The following NEDD9 variants were observed in gnomAD, a reference collection of about 807,000 sequenced individuals.
The protein encoded by NEDD9 is enhancer of filamentation 1.
Under a neutral mutation model 76.6 loss-of-function variants are expected in NEDD9, and 26 were observed. That is an observed-to-expected ratio of 0.34 (90% confidence interval 0.25 to 0.47). The LOEUF (loss-of-function observed/expected upper bound fraction) is 0.47. NEDD9 is among the 20% of genes least tolerant of loss of function. The pLI is 1.00. For synonymous variants in NEDD9, 392 were observed against 414.2 expected (o/e 0.95, Z 0.65); for missense variants, 937 against 1,058.5 (o/e 0.89, Z 1.59).
chr6:11,298,105 A>C (rs1048279861), intron 3 of NEDD9, among the ~76,000 whole-genome samples: 1 of 151,310 alleles, frequency 6.6e-6, no homozygotes, highest in Non-Finnish European at 1.5e-5. Context: ...ATGGGGTTTC[A>C]CTCTGTTGGT....
intron 1 of NEDD9, among the ~76,000 whole-genome samples, chr6:11,228,883 A>G (rs1759387127): frequency 6.6e-6 from 1 of 152,268 alleles, no homozygotes; most frequent in African/African-American, 2.4e-5. Flanking sequence ...ACAAGGTTTA[A>G]AAAGGAAAAG....
At chr6:11,229,373 G>A (rs1759401026) in intron 1 of NEDD9, among the ~76,000 whole-genome samples, 1 of 152,328 alleles carries the variant, frequency 6.6e-6, no homozygotes, top group South Asian at 2.1e-4. Context: ...CTGAGCCCCC[G>A]CCCGGGCTGG....
At chr6:11,277,635 T>C (rs1001664928) in intron 3 of NEDD9, among the ~76,000 whole-genome samples, 1 of 152,178 alleles carries the variant, frequency 6.6e-6, no homozygotes, top group Admixed American at 6.5e-5. Context: ...TCAAGGAGGC[T>C]AGGACATCTT....
intron 2 of NEDD9, among the ~76,000 whole-genome samples, chr6:11,202,219 G>C (rs1349423014): frequency 6.6e-6 from 1 of 152,124 alleles, no homozygotes; most frequent in Non-Finnish European, 1.5e-5. Flanking sequence ...ACTGCTTCCT[G>C]TCTATCTCTA....
At chr6:11,207,595 A>G (rs559927933) in intron 2 of NEDD9, 1 of 152,208 alleles carries the variant, frequency 6.6e-6, no homozygotes, top group African/African-American at 2.4e-5. Context: ...ATATTACTTC[A>G]GTTTTCCAAG....
intron 2 of NEDD9, chr6:11,200,551 AT>A (rs758586346): frequency 9.2e-7 from 1 of 1,090,858 alleles, no homozygotes; most frequent in Non-Finnish European, 1.1e-6. Flanking sequence ...TGTCTTAGTA[AT>A]CACAGATCTC....
chr6:11,381,268 A>G (rs995953432), intron 1 of NEDD9, among the ~76,000 whole-genome samples: 4 of 152,328 alleles, frequency 2.6e-5, no homozygotes, highest in Admixed American at 2.0e-4. Flanking sequence ...CAGGGGAAGG[A>G]GGGACTCCCC....
At chr6:11,350,884 G>A (rs1411259858) in intron 1 of NEDD9, among the ~76,000 whole-genome samples, 2 of 152,178 alleles carry the variant, frequency 1.3e-5, no homozygotes, top group Non-Finnish European at 2.9e-5. Flanking sequence ...TGGTCAGAAA[G>A]GCGTCTTGAC....
At chr6:11,191,721 C>T (rs1173177474) in intron 4 of NEDD9, among the ~76,000 whole-genome samples, 1 of 152,152 alleles carries the variant, frequency 6.6e-6, no homozygotes. Context: ...ACTGTCAAAC[C>T]CTCTACAGGC....
At chr6:11,306,190 A>G in intron 2 of NEDD9, 2 of 695,268 alleles carry the variant, frequency 2.9e-6, no homozygotes, top group Non-Finnish European at 4.9e-6. Flanking sequence ...AAGGTTGGTA[A>G]GATCTGAAAA....
chr6:11,204,481 G>C (rs991923961), intron 2 of NEDD9, among the ~76,000 whole-genome samples: 4 of 152,232 alleles, frequency 2.6e-5, no homozygotes, highest in African/African-American at 7.2e-5. Flanking sequence ...CAGCACTTTG[G>C]GAGGCCGAGG....
intron 1 of NEDD9, among the ~76,000 whole-genome samples, chr6:11,354,727 G>A (rs1439501573): frequency 1.3e-5 from 2 of 152,184 alleles, no homozygotes; most frequent in African/African-American, 4.8e-5. Context: ...CCAGGGGTGG[G>A]TGCATGGCCA....
chr6:11,258,193 T>G (rs562699361), intron 3 of NEDD9, among the ~76,000 whole-genome samples: 2 of 152,348 alleles, frequency 1.3e-5, no homozygotes, highest in Admixed American at 1.3e-4. Context: ...TTTCCCATTG[T>G]AACTGCATTT....
chr6:11,356,727 A>ACC (rs61435147), intron 1 of NEDD9, among the ~76,000 whole-genome samples: 20 of 112,502 alleles, frequency 1.8e-4, no homozygotes, highest in East Asian at 2.7e-4. Flanking sequence ...ATCATAACCC[A>ACC]CCCCCCCCAC....
At chr6:11,189,458 T>A (rs1436411964) in intron 5 of NEDD9, among the ~76,000 whole-genome samples, 1 of 152,186 alleles carries the variant, frequency 6.6e-6, no homozygotes, top group African/African-American at 2.4e-5. Context: ...TACACACACA[T>A]ACACAGAGTA....
At chr6:11,371,266 T>A (rs752961880) in intron 1 of NEDD9, among the ~76,000 whole-genome samples, 1 of 152,168 alleles carries the variant, frequency 6.6e-6, no homozygotes, top group Non-Finnish European at 1.5e-5. Context: ...TAAACCTGCA[T>A]TGACACATCA....
chr6:11,221,814 G>A (rs1455204613), intron 1 of NEDD9, among the ~76,000 whole-genome samples: 1 of 152,140 alleles, frequency 6.6e-6, no homozygotes. Flanking sequence ...AGATAAATCT[G>A]ACAGGCACCA....
chr6:11,202,055 T>C (rs1025137210), intron 2 of NEDD9, among the ~76,000 whole-genome samples: 2 of 152,200 alleles, frequency 1.3e-5, no homozygotes, highest in Non-Finnish European at 2.9e-5. Context: ...GGGTAATTGA[T>C]GAGAAGTTAA....
intron 2 of NEDD9, among the ~76,000 whole-genome samples, chr6:11,312,800 A>T (rs149946240): frequency 1.3e-5 from 2 of 151,776 alleles, no homozygotes; most frequent in East Asian, 1.9e-4. Flanking sequence ...GAGACGTAAA[A>T]CAAGGTTTTC....
Sources: gnomAD v4.1 joint callset for allele counts (sites outside exome capture counted in the v4.1 genomes callset) on GRCh38, gnomAD v4.1.1 for gene constraint, MANE v1.5 for transcripts, NCBI Gene and HGNC (gene_info 2026-07-23, HGNC 2026-07-21) for gene names.